Variants in HDAC9 observed in about 807,000 individuals in gnomAD.
The protein encoded by HDAC9 is histone deacetylase 9.
HDAC9 carries 41 observed loss-of-function variants against 139.4 expected under a neutral mutation model. The ratio of observed to expected loss-of-function variants is 0.29; its 90% CI spans 0.23 to 0.38. HDAC9 has a LOEUF of 0.38. Ranked by LOEUF, HDAC9 falls within the 10% of genes least tolerant of loss-of-function variation. HDAC9 has a pLI of 1.00. For missense variants in HDAC9, 1,147 were observed against 1,297.0 expected, an observed-to-expected ratio of 0.88 and a Z score of 1.78; for synonymous variants, 517 against 476.2, an observed-to-expected ratio of 1.09 and a Z score of -1.12.
At chr7:18,538,627 C>T (rs985039222) in intron 2 of HDAC9, among the ~76,000 whole-genome samples, 2 of 152,182 alleles carry the variant, frequency 1.3e-5, no homozygotes, top group African/African-American at 4.8e-5. Context: ...AAAGCACCCT[C>T]TACATGATAA....
At chr7:18,582,301 C>T (rs915607052) in intron 2 of HDAC9, among the ~76,000 whole-genome samples, 3 of 152,182 alleles carry the variant, frequency 2.0e-5, no homozygotes, top group East Asian at 1.9e-4. Context: ...TTCATATTTC[C>T]GTCTAAAATA....
rs1036157014 is a variant in HDAC9 at position 18,739,552 on chromosome 7, G to A, written c.1910-9453G>A. On this transcript the variant is annotated intron_variant, in intron 13 of 25. Transcript: ENST00000686413. Reference sequence around the variant, plus strand: ...TACAGGTCTGTTGGAGTTTGTTGGAGGTCCACTCCAGACCCTGTTTGCCTG... The same window carrying A: ...TACAGGTCTGTTGGAGTTTGTTGGAAGTCCACTCCAGACCCTGTTTGCCTG... Among the ~76,000 whole-genome samples, 6 of 152,180 alleles carry A rather than the reference G, an allele frequency of 3.9e-5. No individual in the cohort carries two copies. The South Asian group carries it at 1.2e-3, about 32-fold the overall frequency.
chr7:18,308,790 C>T (rs1799099803), intron 1 of HDAC9, among the ~76,000 whole-genome samples: 1 of 152,138 alleles, frequency 6.6e-6, no homozygotes, highest in African/African-American at 2.4e-5. Context: ...TTGCTGTTCT[C>T]TAATTTAAAC....
At chr7:18,743,966 A>G (rs574234706) in intron 13 of HDAC9, among the ~76,000 whole-genome samples, 2 of 150,864 alleles carry the variant, frequency 1.3e-5, no homozygotes, top group South Asian at 4.2e-4. Flanking sequence ...TTTCTTTAGC[A>G]GAGTTTTCAA....
intron 12 of HDAC9, among the ~76,000 whole-genome samples, chr7:18,694,417 T>G (rs1477463411): frequency 6.6e-6 from 1 of 152,172 alleles, no homozygotes; most frequent in African/African-American, 2.4e-5. Context: ...GGGTTAATTT[T>G]CTCTTCTTAA....
At chr7:18,356,081 T>C (rs1194169502) in intron 1 of HDAC9, among the ~76,000 whole-genome samples, 3 of 152,098 alleles carry the variant, frequency 2.0e-5, no homozygotes, top group Admixed American at 6.6e-5. Context: ...TAAATATACC[T>C]TAGTAAAGTC....
At chr7:18,965,819 G>A (rs1341451690) in intron 24 of HDAC9, among the ~76,000 whole-genome samples, 1 of 152,174 alleles carries the variant, frequency 6.6e-6, no homozygotes. Context: ...GGCACTGAAA[G>A]CTGTCCTGAA....
chr7:18,614,542 G>A (rs1334650573), intron 6 of HDAC9, among the ~76,000 whole-genome samples: 1 of 152,204 alleles, frequency 6.6e-6, no homozygotes, highest in East Asian at 1.9e-4. Context: ...ACGTTGCACA[G>A]AGTAAGTGCT....
At chr7:18,283,245 C>T (rs2128220975) in intron 2 of HDAC9, among the ~76,000 whole-genome samples, 1 of 152,166 alleles carries the variant, frequency 6.6e-6, no homozygotes, top group African/African-American at 2.4e-5. Flanking sequence ...CACATGGTGG[C>T]AGGAGGGAGC....
At chr7:18,382,623 T>C (rs938528793) in intron 1 of HDAC9, among the ~76,000 whole-genome samples, 6 of 152,198 alleles carry the variant, frequency 3.9e-5, no homozygotes, top group Non-Finnish European at 8.8e-5. Context: ...ACAAGAAAAT[T>C]TCAGATAGCA....
chr7:18,221,303 C>T (rs1792687301), intron 2 of HDAC9, among the ~76,000 whole-genome samples: 2 of 152,020 alleles, frequency 1.3e-5, no homozygotes, highest in South Asian at 2.1e-4. Context: ...TGGGGTTTTA[C>T]CATGTTGTCC....
chr7:18,594,633 A>C (rs1033314573), intron 6 of HDAC9, among the ~76,000 whole-genome samples: 10 of 152,002 alleles, frequency 6.6e-5, no homozygotes, highest in Admixed American at 2.6e-4. Context: ...TTTAGTAAAC[A>C]GTTCTGTGGC....
chr7:18,376,296 C>G (rs984604295), intron 1 of HDAC9, among the ~76,000 whole-genome samples: 2 of 152,160 alleles, frequency 1.3e-5, no homozygotes, highest in African/African-American at 2.4e-5. Flanking sequence ...AATTTCTCTT[C>G]TAAATAAGAT....
At chr7:18,988,138 C>A (rs569789500) in intron 25 of HDAC9, among the ~76,000 whole-genome samples, 2 of 152,216 alleles carry the variant, frequency 1.3e-5, no homozygotes, top group Non-Finnish European at 2.9e-5. Context: ...TTTTCTAGTT[C>A]TTTTAATTGT....
At chr7:18,795,739 G>C (rs188300206) in intron 17 of HDAC9, among the ~76,000 whole-genome samples, 1 of 152,290 alleles carries the variant, frequency 6.6e-6, no homozygotes, top group African/African-American at 2.4e-5. Flanking sequence ...AAATGATTTG[G>C]AGCCATAGTA....
intron 25 of HDAC9, among the ~76,000 whole-genome samples, chr7:18,980,664 GTTC>G (rs1410330905): frequency 2.4e-5 from 2 of 84,956 alleles, no homozygotes; most frequent in South Asian, 4.1e-4. Flanking sequence ...ACTTTTTCTT[GTTC>G]TTCTTGTTCT....
intron 22 of HDAC9, among the ~76,000 whole-genome samples, chr7:18,929,987 C>T (rs1181270814): frequency 6.6e-6 from 1 of 151,972 alleles, no homozygotes; most frequent in Non-Finnish European, 1.5e-5. Flanking sequence ...GAAACCAACA[C>T]CTATAAAGTA....
intron 1 of HDAC9, among the ~76,000 whole-genome samples, chr7:18,321,759 C>A (rs1276621944): frequency 1.3e-5 from 2 of 152,070 alleles, no homozygotes; most frequent in Non-Finnish European, 2.9e-5. Context: ...GTATAGTGTG[C>A]CCCAGATGAG....
At chr7:18,236,908 G>A (rs148170020) in intron 2 of HDAC9, among the ~76,000 whole-genome samples, 332 of 152,254 alleles carry the variant, frequency 2.2e-3, no homozygotes, top group Admixed American at 7.7e-3. Context: ...GCTTGGCAAC[G>A]TGCATCATGG....
Sources: gnomAD v4.1 joint callset for allele counts (sites outside exome capture counted in the v4.1 genomes callset) on GRCh38, gnomAD v4.1.1 for gene constraint, MANE v1.5 for transcripts, NCBI Gene and HGNC (gene_info 2026-07-23, HGNC 2026-07-21) for gene names.